Variants in EDARADD observed in about 807,000 individuals in gnomAD.
EDARADD encodes the protein EDAR associated via death domain.
A neutral mutation model predicts 25.6 loss-of-function variants in EDARADD; 20 were observed. The ratio of observed to expected loss-of-function variants is 0.78; its 90% confidence interval spans 0.55 to 1.14. EDARADD has a LOEUF of 1.14. Ranked by LOEUF, EDARADD falls within the 50% of genes most tolerant of loss-of-function variation. EDARADD has a pLI of 0.00. For synonymous variants in EDARADD, 86 were observed against 94.4 expected (o/e 0.91, Z 0.52); for missense variants, 225 against 270.1 (o/e 0.83, Z 1.17).
At chr1:236,445,552 C>T (rs969571098) in intron 4 of EDARADD, among the ~76,000 whole-genome samples, 3 of 152,074 alleles carry the variant, frequency 2.0e-5, no homozygotes, top group Non-Finnish European at 4.4e-5. Context: ...TATTGACTGT[C>T]CTCTACATCT....
chr1:236,478,933 C>T (rs750165420), intron 5 of EDARADD, among the ~76,000 whole-genome samples: 6 of 151,984 alleles, frequency 3.9e-5, no homozygotes, highest in South Asian at 2.1e-4. Context: ...AACCAAACAT[C>T]GTATGTTCTC....
intron 4 of EDARADD, among the ~76,000 whole-genome samples, chr1:236,449,599 C>T (rs1658654578): frequency 6.6e-6 from 1 of 152,216 alleles, no homozygotes; most frequent in African/African-American, 2.4e-5. Flanking sequence ...TTCGTTCTGG[C>T]TATATCGGTT....
At chr1:236,387,441 G>A (rs1349847970) in intron 3 of EDARADD, among the ~76,000 whole-genome samples, 4 of 40,792 alleles carry the variant, frequency 9.8e-5, no homozygotes, top group African/African-American at 2.3e-4. Context: ...CTGCCCGGCC[G>A]CCCCTACTGG....
intron 4 of EDARADD, among the ~76,000 whole-genome samples, chr1:236,433,995 T>C (rs1160191326): frequency 6.6e-6 from 1 of 152,238 alleles, no homozygotes; most frequent in East Asian, 1.9e-4. Flanking sequence ...GCTCCATGAT[T>C]TTGCCATCCT....
intron 4 of EDARADD, among the ~76,000 whole-genome samples, chr1:236,467,806 G>A (rs530374757): frequency 1.5e-4 from 23 of 151,176 alleles, no homozygotes; most frequent in African/African-American, 2.2e-4. Context: ...CTTTCAGGCC[G>A]AAGTACAGTG....
intron 4 of EDARADD, among the ~76,000 whole-genome samples, chr1:236,428,390 A>G (rs1251947206): frequency 6.6e-6 from 1 of 152,180 alleles, no homozygotes; most frequent in African/African-American, 2.4e-5. Flanking sequence ...AGACGCAGTA[A>G]CAATCCGATC....
chr1:236,356,623 T>C (rs1476621865), intron 3 of EDARADD, among the ~76,000 whole-genome samples: 1 of 152,074 alleles, frequency 6.6e-6, no homozygotes, highest in African/African-American at 2.4e-5. Flanking sequence ...GTAAAATTGA[T>C]AAAATGGCAA....
chr1:236,423,658 G>A (rs1284170948), intron 3 of EDARADD, among the ~76,000 whole-genome samples: 1 of 152,164 alleles, frequency 6.6e-6, no homozygotes, highest in East Asian at 1.9e-4. Flanking sequence ...AACTTTGATT[G>A]AGAGACTATT....
chr1:236,436,887 G>A (rs979681641), intron 4 of EDARADD, among the ~76,000 whole-genome samples: 3 of 152,298 alleles, frequency 2.0e-5, no homozygotes, highest in East Asian at 1.9e-4. Flanking sequence ...AGAGACCTGC[G>A]TGAAATAGGC....
At chr1:236,357,559 G>A (rs1666994735) in intron 3 of EDARADD, among the ~76,000 whole-genome samples, 1 of 152,156 alleles carries the variant, frequency 6.6e-6, no homozygotes, top group Non-Finnish European at 1.5e-5. Context: ...ACCAGCATCT[G>A]CTTGGCTTCT....
intron 4 of EDARADD, among the ~76,000 whole-genome samples, chr1:236,459,611 C>CCTTTTTTTTTTTTTTTTTTTTTT (rs776064017): frequency 3.0e-5 from 3 of 100,462 alleles, no homozygotes. Context: ...TTATTTAGCT[C>CCTTTTTTTTTTTTTTTTTTTTTT]TTTTTTTTTT....
At chr1:236,482,039 T>A (rs1404970277) in intron 5 of EDARADD, among the ~76,000 whole-genome samples, 2 of 142,042 alleles carry the variant, frequency 1.4e-5, no homozygotes, top group African/African-American at 5.3e-5. Flanking sequence ...CGTGAACCCC[T>A]GGGAGGCGGA....
In EDARADD at chr1:236,395,826, G is replaced by C. The variant is rs1016960719; in HGVS notation, c.61+1321G>C. The stretch of plus-strand genomic sequence containing the variant: ...AGGCGCCAGACCCGGAGTCGCACGG[G>C]GCTCCCAGTCCAGCCCCGCGAGCGG... On this transcript the variant is annotated intron_variant, in intron 1 of 5. Transcript: ENST00000334232. This position sits in a 1 kb window ranked among gnomAD's most constrained non-coding sequence, Gnocchi z 6.9. 6.6e-6 allele frequency among the ~76,000 whole-genome samples: 1 copy of C among 151,422 alleles called. No individual in the cohort carries two copies. Among genetic ancestry groups the C allele is most frequent in the East Asian group, 2.0e-4 (1 of 5,024 alleles).
At chr1:236,449,826 C>T (rs929379124) in intron 4 of EDARADD, among the ~76,000 whole-genome samples, 13 of 152,106 alleles carry the variant, frequency 8.5e-5, no homozygotes, top group Admixed American at 5.9e-4. Flanking sequence ...GGCGGCTGGG[C>T]GCGGTGGCTC....
chr1:236,358,150 C>T (rs903484710), intron 3 of EDARADD, among the ~76,000 whole-genome samples: 1 of 152,168 alleles, frequency 6.6e-6, no homozygotes, highest in African/African-American at 2.4e-5. Context: ...GGATTACAGG[C>T]ACGAGCCACT....
At chr1:236,369,324 G>A (rs657379) in intron 3 of EDARADD, among the ~76,000 whole-genome samples, 44,806 of 152,012 alleles carry the variant, frequency 0.29, 6,962 homozygotes, top group African/African-American at 0.39. Context: ...GAGTCTCCTT[G>A]CCCATGAGCA....
chr1:236,457,011 C>T (rs1336204583), intron 4 of EDARADD, among the ~76,000 whole-genome samples: 1 of 152,122 alleles, frequency 6.6e-6, no homozygotes, highest in Non-Finnish European at 1.5e-5. Flanking sequence ...CTGTTGTTCT[C>T]ATTTTTCCCA....
intron 2 of EDARADD, among the ~76,000 whole-genome samples, chr1:236,412,185 A>G (rs1657509837): frequency 6.6e-6 from 1 of 152,176 alleles, no homozygotes; most frequent in East Asian, 1.9e-4. Flanking sequence ...GGTAGCAATA[A>G]TGCTGTTCCC....
chr1:236,385,649 A>G (rs1248181475), intron 3 of EDARADD, among the ~76,000 whole-genome samples: 1 of 151,778 alleles, frequency 6.6e-6, no homozygotes, highest in African/African-American at 2.4e-5. Context: ...ACTTGAGCCC[A>G]GGAGACAGAG....
Sources: allele counts gnomAD v4.1 joint callset (sites outside exome capture counted in the v4.1 genomes callset), GRCh38; gene constraint gnomAD v4.1.1; non-coding constraint Gnocchi (gnomAD v3.1); transcripts MANE v1.5; gene names NCBI Gene and HGNC (gene_info 2026-07-23, HGNC 2026-07-21).